FAM227A: variants seen among roughly 807,000 people sequenced by gnomAD.
FAM227A encodes protein FAM227A.
A neutral mutation model predicts 74.7 loss-of-function variants in FAM227A; 80 were observed. The ratio of observed to expected loss-of-function variants is 1.07; its 90% CI spans 0.89 to 1.29. The LOEUF (loss-of-function observed/expected upper bound fraction) is 1.29, where lower values mean the gene tolerates loss of function less well. Ranked by LOEUF, FAM227A falls within the 50% of genes most tolerant of loss-of-function variation. The pLI is 0.00. For synonymous variants in FAM227A, 237 were observed against 241.8 expected, an observed-to-expected ratio of 0.98 and a Z score of 0.19; for missense variants, 654 against 683.4, an observed-to-expected ratio of 0.96 and a Z score of 0.48.
intron 14 of FAM227A, among the ~76,000 whole-genome samples, chr22:38,598,725 T>C (rs1405150762): frequency 2.6e-5 from 4 of 152,180 alleles, no homozygotes; most frequent in African/African-American, 2.4e-5. Flanking sequence ...ATCTGCATAA[T>C]AGCCCTATGA....
chr22:38,594,867 G>T (rs922441719), intron 15 of FAM227A, among the ~76,000 whole-genome samples: 5 of 152,144 alleles, frequency 3.3e-5, no homozygotes, highest in Non-Finnish European at 5.9e-5. Flanking sequence ...GGGAGGCCGA[G>T]GGGGGTGGAT....
At chr22:38,622,097 A>C (rs1237695802) in intron 10 of FAM227A, among the ~76,000 whole-genome samples, 1 of 152,172 alleles carries the variant, frequency 6.6e-6, no homozygotes, top group Non-Finnish European at 1.5e-5. Flanking sequence ...CAATGACCAG[A>C]CTTGGAATTT....
intron 15 of FAM227A, among the ~76,000 whole-genome samples, chr22:38,596,277 C>T (rs1304346019): frequency 6.6e-6 from 1 of 152,162 alleles, no homozygotes; most frequent in East Asian, 1.9e-4. Flanking sequence ...GCCAAGATCA[C>T]ACCACTGCAC....
chr22:38,653,620 C>G (rs2092351278), intron 1 of FAM227A, among the ~76,000 whole-genome samples: 1 of 152,078 alleles, frequency 6.6e-6, no homozygotes, highest in South Asian at 2.1e-4. Flanking sequence ...CGTGATCTGC[C>G]TGTCTCAGCC....
At chr22:38,627,614 T>G (rs2091836156) in intron 8 of FAM227A, among the ~76,000 whole-genome samples, 1 of 152,000 alleles carries the variant, frequency 6.6e-6, no homozygotes, top group African/African-American at 2.4e-5. Flanking sequence ...TTTGTTTGTT[T>G]GTTTTTTTGA....
At chr22:38,619,586 A>T (rs1003901493) in intron 11 of FAM227A, among the ~76,000 whole-genome samples, 1 of 152,176 alleles carries the variant, frequency 6.6e-6, no homozygotes, top group African/African-American at 2.4e-5. Context: ...GGGCTCCCAA[A>T]GTATTGGGAT....
At chr22:38,615,876 A>T (rs557871614) in intron 11 of FAM227A, among the ~76,000 whole-genome samples, 1 of 152,252 alleles carries the variant, frequency 6.6e-6, no homozygotes, top group Non-Finnish European at 1.5e-5. Context: ...GCAAGAGAGG[A>T]CACTGAGGGT....
At chr22:38,636,355 G>C (rs551516514) in intron 6 of FAM227A, 96 bp downstream of exon 6, 1 of 1,353,980 alleles carries the variant, frequency 7.4e-7, no homozygotes, top group African/African-American at 1.5e-5. Flanking sequence ...TGTGGCCCTA[G>C]GTGAGTTCCT....
chr22:38,631,233 T>G (rs149705180), intron 6 of FAM227A, among the ~76,000 whole-genome samples: 58 of 152,258 alleles, frequency 3.8e-4, no homozygotes, highest in Non-Finnish European at 7.9e-4. Flanking sequence ...TCGTGTCCTT[T>G]GCAGCAACAT....
chr22:38,656,024 C>T (rs1375681366), intron 1 of FAM227A, 96 bp downstream of exon 1: 1 of 152,370 alleles, frequency 6.6e-6, no homozygotes, highest in African/African-American at 2.4e-5. Flanking sequence ...AGTCCCTGGG[C>T]CTCAGCTTCC....
chr22:38,639,420 A>C (rs959151159), intron 4 of FAM227A, among the ~76,000 whole-genome samples: 3 of 151,958 alleles, frequency 2.0e-5, no homozygotes, highest in Non-Finnish European at 4.4e-5. Context: ...AAAAAAAAAA[A>C]AAAAAACCAA....
intron 6 of FAM227A, among the ~76,000 whole-genome samples, chr22:38,636,070 AAAAAG>A (rs1785019836): frequency 1.3e-5 from 2 of 150,660 alleles, no homozygotes; most frequent in Admixed American, 1.3e-4. Context: ...GAAAGAAAGA[AAAAAG>A]AAAGGAAGGA....
intron 9 of FAM227A, among the ~76,000 whole-genome samples, chr22:38,625,411 A>G (rs915281886): frequency 6.6e-6 from 1 of 151,424 alleles, no homozygotes. Context: ...AAAGAAAGAA[A>G]GAAAAAGCAG....
chr22:38,650,284 G>C, intron 1 of FAM227A, 22 bp from the exon 2 acceptor site: 4 of 1,039,018 alleles, frequency 3.8e-6, no homozygotes, highest in Non-Finnish European at 5.6e-6. Context: ...AAACAGCATA[G>C]AGCCAGCTCA....
chr22:38,642,009 T>C (rs1312559911), intron 3 of FAM227A, among the ~76,000 whole-genome samples: 1 of 152,184 alleles, frequency 6.6e-6, no homozygotes, highest in Non-Finnish European at 1.5e-5. Context: ...TTGAGAATTA[T>C]TGAAGGGTTT....
chr22:38,619,299 G>A (rs569385101), intron 11 of FAM227A, among the ~76,000 whole-genome samples: 1 of 152,084 alleles, frequency 6.6e-6, no homozygotes, highest in Non-Finnish European at 1.5e-5. Context: ...CATTTTATTG[G>A]CTAGAAGTAG....
chr22:38,613,424 T>TATATAATATATATTATATATTATACATG (rs71197123), intron 11 of FAM227A, among the ~76,000 whole-genome samples: 2 of 113,520 alleles, frequency 1.8e-5, no homozygotes, highest in Non-Finnish European at 3.4e-5. Flanking sequence ...ATATATATAA[T>TATATAATATATATTATATATTATACATG]TTGTTTGTTT....
intron 12 of FAM227A, among the ~76,000 whole-genome samples, chr22:38,606,642 C>T (rs1392085534): frequency 6.6e-6 from 1 of 152,124 alleles, no homozygotes; most frequent in African/African-American, 2.4e-5. Context: ...GGCGAATTGC[C>T]AGGGGAATTG....
intron 11 of FAM227A, among the ~76,000 whole-genome samples, chr22:38,613,150 A>C (rs2091467331): frequency 1.1e-5 from 1 of 90,604 alleles, no homozygotes; most frequent in Non-Finnish European, 2.0e-5. Context: ...TATATATTAT[A>C]TATTATATAT....
Sources: allele counts gnomAD v4.1 joint callset (sites outside exome capture counted in the v4.1 genomes callset), GRCh38; gene constraint gnomAD v4.1.1; transcripts MANE v1.5; gene names NCBI Gene and HGNC (gene_info 2026-07-23, HGNC 2026-07-21).